Variants in BMPER observed in about 807,000 individuals in gnomAD.
BMPER encodes the protein BMP-binding endothelial regulator protein.
In BMPER, 45 loss-of-function variants were observed where a neutral mutation model predicts 87.3. That is an observed-to-expected ratio of 0.52 (90% CI 0.41 to 0.66). The LOEUF (loss-of-function observed/expected upper bound fraction) is 0.66. Among genes scored for constraint, BMPER ranks in the 30% least tolerant of loss-of-function variants. The pLI is 0.00. For synonymous variants in BMPER, 326 were observed against 316.2 expected, an observed-to-expected ratio of 1.03 and a Z score of -0.33; for missense variants, 784 against 867.5, an observed-to-expected ratio of 0.90 and a Z score of 1.21.
rs1562762025 is a variant in BMPER at position 34,129,607 on chromosome 7, AGAAAGAGAGAG to A, written c.1746-13622_1746-13612del. ...GAGAGAGAGAGAGAGAGAGAGAGAG[AGAAAGAGAGAG>A]AGAGAGAAAGAGAGAAAGAAAGAAA... is the stretch of plus-strand genomic sequence containing the variant. On this transcript the variant is annotated intron_variant, in intron 13 of 14. Coordinates refer to ENST00000649409, the MANE Select transcript of BMPER (RefSeq NM_001365308.1). 6.1e-3 allele frequency among the ~76,000 whole-genome samples: 681 copies of A among 112,134 alleles called. 5 individuals carry two copies. The highest frequency in any genetic ancestry group is 0.026 in the East Asian group (91 of 3,488). 73.6% of individuals were successfully genotyped at this position (112,134 alleles called of 152,430 possible). A position where few individuals can be genotyped will look rare whatever the true frequency, so the allele number is the denominator to read the frequency against.
At chr7:34,102,659 A>T (rs1244423392) in intron 13 of BMPER, among the ~76,000 whole-genome samples, 6 of 152,164 alleles carry the variant, frequency 3.9e-5, no homozygotes, top group Non-Finnish European at 2.9e-5. Context: ...ATTCTAGAGT[A>T]TTTGTGGCAC....
At chr7:34,095,415 G>A (rs560415741) in intron 13 of BMPER, among the ~76,000 whole-genome samples, 2 of 152,232 alleles carry the variant, frequency 1.3e-5, no homozygotes, top group East Asian at 3.9e-4. Flanking sequence ...TTGCAGTTAG[G>A]ACCACCTTTC....
intron 2 of BMPER, among the ~76,000 whole-genome samples, chr7:33,931,668 A>G (rs1187307250): frequency 1.3e-5 from 2 of 152,172 alleles, no homozygotes; most frequent in Non-Finnish European, 2.9e-5. Flanking sequence ...GAGACTAGAA[A>G]TTCCGATGAG....
chr7:34,013,583 T>G (rs2127942441), intron 6 of BMPER, among the ~76,000 whole-genome samples: 1 of 152,058 alleles, frequency 6.6e-6, no homozygotes, highest in African/African-American at 2.4e-5. Flanking sequence ...ATTTTAAAAG[T>G]AAATTTAGAG....
chr7:34,011,333 C>T (rs1786868668), intron 6 of BMPER, among the ~76,000 whole-genome samples: 4 of 151,664 alleles, frequency 2.6e-5, no homozygotes, highest in Admixed American at 1.3e-4. Flanking sequence ...ATAAGGCATA[C>T]TTTGAGTAGC....
chr7:34,047,824 C>CTTCCTTCCTTCCTTCCT (rs1312499057), intron 7 of BMPER, among the ~76,000 whole-genome samples: 7 of 64,750 alleles, frequency 1.1e-4, no homozygotes, highest in East Asian at 4.3e-4. Context: ...CCTCACTTTC[C>CTTCCTTCCTTCCTTCCT]TACTTTCTTG....
At chr7:34,129,607 AG>A (rs1562762015) in intron 13 of BMPER, among the ~76,000 whole-genome samples, 68 of 112,440 alleles carry the variant, frequency 6.0e-4, no homozygotes, top group Middle Eastern at 4.1e-3. Flanking sequence ...AGAGAGAGAG[AG>A]AAAGAGAGAG....
At chr7:33,935,594 C>CAGAGAG (rs35522311) in intron 2 of BMPER, among the ~76,000 whole-genome samples, 3 of 147,598 alleles carry the variant, frequency 2.0e-5, no homozygotes, top group African/African-American at 5.0e-5. Context: ...GAGAAAGAGA[C>CAGAGAG]AGAGAGAGAG....
In BMPER at chr7:33,906,805, C is replaced by G. The variant is rs1198462922; in HGVS notation, c.134-13C>G. 2.5e-6 allele frequency: 4 copies of G among 1,607,894 alleles called. No homozygotes were observed. Among genetic ancestry groups the G allele is most frequent in the Non-Finnish European group, 3.4e-6 (4 of 1,174,626 alleles). The stretch of plus-strand genomic sequence containing the variant: ...TAACTTTAAATGAAACATTTTTCCC[C>G]CCTGAATTTCAGGTTCTGTTGCAAA... On this transcript the variant is annotated splice_polypyrimidine_tract_variant and intron_variant, in intron 1 of 14. Coordinates refer to ENST00000649409, the MANE Select transcript of BMPER (RefSeq NM_001365308.1).
intron 13 of BMPER, among the ~76,000 whole-genome samples, chr7:34,142,453 T>C (rs1344288187): frequency 6.6e-6 from 1 of 152,240 alleles, no homozygotes. Flanking sequence ...AGGCCATTAT[T>C]ATGTCTTTGT....
At position 33,968,189 on chromosome 7, in the gene BMPER, G is replaced by A. The variant is rs147333488; in HGVS notation, c.402+1628G>A. ...GAGAAAGTTGATGTTACCTACCCAA[G>A]AGGAAGTTTGCCTTTCAGTTTTTCC... On this transcript the variant is annotated intron_variant, in intron 4 of 14. Transcript: ENST00000649409. Among the ~76,000 whole-genome samples the A allele has an allele frequency of 9.3e-4, 142 of 152,286 alleles. 1 individual carries two copies. Among genetic ancestry groups the A allele is most frequent in the Non-Finnish European group, 1.7e-3 (114 of 68,032 alleles).
At chr7:33,980,078 A>G (rs554025176) in intron 6 of BMPER, among the ~76,000 whole-genome samples, 2 of 152,202 alleles carry the variant, frequency 1.3e-5, no homozygotes, top group Non-Finnish European at 2.9e-5. Context: ...GCTCTTATCC[A>G]TTCCAGAAGC....
At position 34,035,681 on chromosome 7, in the gene BMPER, C is replaced by G. The variant is rs117844683; in HGVS notation, c.577-10625C>G. 4.1e-3 allele frequency among the ~76,000 whole-genome samples: 630 copies of G among 152,260 alleles called. 2 individuals are homozygous for G. The highest frequency in any genetic ancestry group is 6.4e-3 in the Non-Finnish European group (433 of 68,016). ...GACAACCCAACAAGAAGGTGTTTAACTGAAAACCAAACACTTCTGATGTTA... is the reference window on the plus strand; with the variant it reads ...GACAACCCAACAAGAAGGTGTTTAAGTGAAAACCAAACACTTCTGATGTTA... On this transcript the variant is annotated intron_variant, in intron 6 of 14. Coordinates refer to ENST00000649409, the MANE Select transcript of BMPER (RefSeq NM_001365308.1).
chr7:34,129,590 G>GAGAGAGAA (rs1562761856), intron 13 of BMPER, among the ~76,000 whole-genome samples: 101 of 128,788 alleles, frequency 7.8e-4, no homozygotes, highest in Middle Eastern at 3.8e-3. Flanking sequence ...GAGAGAGAGA[G>GAGAGAGAA]AGAGAGAGAG....
intron 3 of BMPER, among the ~76,000 whole-genome samples, chr7:33,949,418 ACTCT>A (rs1207004517): frequency 1.3e-5 from 2 of 151,164 alleles, no homozygotes; most frequent in African/African-American, 4.9e-5. Flanking sequence ...GCCTCTGCAT[ACTCT>A]CTCTCTCTGT....
At chr7:33,969,111 G>T (rs754828057) in intron 4 of BMPER, among the ~76,000 whole-genome samples, 4 of 152,150 alleles carry the variant, frequency 2.6e-5, no homozygotes, top group Non-Finnish European at 4.4e-5. Flanking sequence ...AAACATTAAG[G>T]ATGTAGCCCT....
At chr7:33,958,426 T>C (rs1785196731) in intron 3 of BMPER, among the ~76,000 whole-genome samples, 1 of 152,236 alleles carries the variant, frequency 6.6e-6, no homozygotes, top group East Asian at 1.9e-4. Flanking sequence ...TAAACACATT[T>C]AGAACAGAGT....
At chr7:33,931,533 C>T (rs1784481532) in intron 2 of BMPER, among the ~76,000 whole-genome samples, 1 of 152,142 alleles carries the variant, frequency 6.6e-6, no homozygotes, top group Admixed American at 6.5e-5. Flanking sequence ...TATAATATTG[C>T]CTGGGAGAAA....
At chr7:34,143,180 T>C (rs943529166) in intron 13 of BMPER, 50 bp from the exon 14 acceptor site, 7 of 1,609,930 alleles carry the variant, frequency 4.3e-6, no homozygotes, top group Non-Finnish European at 5.9e-6. Context: ...TTTAGGGTGT[T>C]TATGGTTTGA....
Sources: allele counts gnomAD v4.1 joint callset (sites outside exome capture counted in the v4.1 genomes callset), GRCh38; gene constraint gnomAD v4.1.1; transcripts MANE v1.5; gene names NCBI Gene and HGNC (gene_info 2026-07-23, HGNC 2026-07-21).